FRAS1: variants seen among roughly 807,000 people sequenced by gnomAD.
The protein encoded by FRAS1 is Fraser extracellular matrix complex subunit 1.
A neutral mutation model predicts 435.2 loss-of-function variants in FRAS1; 290 were observed. The ratio of observed to expected loss-of-function variants is 0.67; its 90% CI spans 0.61 to 0.73. The LOEUF is 0.73. FRAS1 is among the 30% of genes least tolerant of loss of function. FRAS1 has a pLI of 0.00. For missense variants in FRAS1, 4,860 were observed against 5,001.5 expected (o/e 0.97, Z 0.85); for synonymous variants, 1,800 against 1,851.0 (o/e 0.97, Z 0.71).
intron 2 of FRAS1, among the ~76,000 whole-genome samples, chr4:78,103,580 T>C (rs1260233355): frequency 6.6e-6 from 1 of 152,132 alleles, no homozygotes; most frequent in African/African-American, 2.4e-5. Flanking sequence ...AAATCCTAAC[T>C]CCTAAGGTAA....
At chr4:78,086,331 C>T (rs1243643888) in intron 2 of FRAS1, among the ~76,000 whole-genome samples, 1 of 152,054 alleles carries the variant, frequency 6.6e-6, no homozygotes, top group African/African-American at 2.4e-5. Flanking sequence ...CAGGAAAGAT[C>T]CAAAATTGAC....
At chr4:78,457,738 G>C (rs1407842229) in intron 47 of FRAS1, among the ~76,000 whole-genome samples, 1 of 152,178 alleles carries the variant, frequency 6.6e-6, no homozygotes, top group Non-Finnish European at 1.5e-5. Context: ...TTCTTGCTAA[G>C]AGTTAACTTA....
chr4:78,359,006 G>A (rs538988454), intron 20 of FRAS1, among the ~76,000 whole-genome samples: 2 of 152,144 alleles, frequency 1.3e-5, no homozygotes, highest in African/African-American at 2.4e-5. Flanking sequence ...AAATGTCATC[G>A]TTAGTAGTTA....
chr4:78,392,043 A>G (rs1340359064), intron 29 of FRAS1, among the ~76,000 whole-genome samples: 4 of 152,178 alleles, frequency 2.6e-5, no homozygotes, highest in African/African-American at 9.7e-5. Flanking sequence ...GCATAATCAG[A>G]AAATGTTTCC....
chr4:78,299,802 C>T (rs1728305311), intron 14 of FRAS1, among the ~76,000 whole-genome samples: 3 of 152,220 alleles, frequency 2.0e-5, no homozygotes, highest in Admixed American at 2.0e-4. Context: ...CCTCACTTTC[C>T]ATTCATCATT....
chr4:78,456,091 C>T (rs1198122026), intron 47 of FRAS1, among the ~76,000 whole-genome samples: 1 of 151,584 alleles, frequency 6.6e-6, no homozygotes, highest in Non-Finnish European at 1.5e-5. Flanking sequence ...CAGGGAAGCC[C>T]CACATCCATT....
At chr4:78,422,087 C>T in intron 34 of FRAS1, 87 bp downstream of exon 34, 4 of 1,355,006 alleles carry the variant, frequency 3.0e-6, no homozygotes, top group Non-Finnish European at 3.9e-6. Flanking sequence ...CTGCAGTCCT[C>T]TGGACCATTT....
At position 78,282,823 on chromosome 4, in the gene FRAS1, G is replaced by A; in HGVS notation, c.1111G>A (p.Gly371Arg). The part of the protein sequence containing the change: ...NASEVKRIPE[G>R]EKWEDGPCKV... ...TGTTCTTCACTTTTTTGCGTAGGAG[G>A]GAGAGAAGTGGGAAGATGGCCCTTG... Residue 371 changes from glycine (G) to arginine (R), a missense_variant, in exon 12 of 74, where the codon GGA becomes AGA. Physicochemically the swap from Gly to Arg is moderately radical, Grantham distance 125 (BLOSUM62 -2). Coordinates refer to ENST00000512123, the MANE Select transcript of FRAS1 (RefSeq NM_025074.7). 1 of 1,613,070 alleles carries A rather than the reference G, an allele frequency of 6.2e-7. No individual in the cohort carries two copies. Among genetic ancestry groups the A allele is most frequent in the Non-Finnish European group, 8.5e-7 (1 of 1,179,652 alleles).
chr4:78,464,310 A>G, intron 48 of FRAS1, 133 bp from the exon 49 acceptor site: 1 of 1,381,590 alleles, frequency 7.2e-7, no homozygotes, highest in Non-Finnish European at 9.9e-7. Flanking sequence ...GCCCAAGAGG[A>G]CTCACTCTGG....
intron 61 of FRAS1, among the ~76,000 whole-genome samples, chr4:78,506,399 G>A (rs1348037209): frequency 6.6e-6 from 1 of 152,232 alleles, no homozygotes; most frequent in Admixed American, 6.5e-5. Context: ...GCTGTGGTGG[G>A]CTCCCCCCAG....
chr4:78,189,751 T>C (rs751959183), intron 2 of FRAS1, among the ~76,000 whole-genome samples: 1 of 152,250 alleles, frequency 6.6e-6, no homozygotes, highest in African/African-American at 2.4e-5. Flanking sequence ...TCTATTTGCA[T>C]ATATAATAAT....
rs767510316 is a variant in FRAS1, at chr4:78,416,067, T to TA, written c.4426-2881dup. Among the ~76,000 whole-genome samples, 10 of 152,320 alleles carry TA rather than the reference T, an allele frequency of 6.6e-5. 1 individual carries two copies. Among genetic ancestry groups the TA allele is most frequent in the Non-Finnish European group, 1.3e-4 (9 of 68,028 alleles). ...AGAGAAATGGATAAAGAAAATGTGA[T>TA]ACAGACGTACACACACAGAGAGAGA... is the stretch of plus-strand genomic sequence containing the variant. On this transcript the variant is annotated intron_variant, in intron 32 of 73. Coordinates refer to ENST00000512123, the MANE Select transcript of FRAS1 (RefSeq NM_025074.7).
chr4:78,090,300 G>A (rs1741448357), intron 2 of FRAS1, among the ~76,000 whole-genome samples: 1 of 152,172 alleles, frequency 6.6e-6, no homozygotes, highest in Non-Finnish European at 1.5e-5. Context: ...AATTTTAAAT[G>A]TTTTGAACAG....
chr4:78,251,035 T>C (rs915303108), intron 4 of FRAS1, among the ~76,000 whole-genome samples: 3 of 152,216 alleles, frequency 2.0e-5, no homozygotes, highest in African/African-American at 7.2e-5. Context: ...TTATTTTATA[T>C]ATTTTATGAT....
chr4:78,439,284 A>T (rs12643573), intron 40 of FRAS1, among the ~76,000 whole-genome samples: 18,692 of 152,248 alleles, frequency 0.12, 1,338 homozygotes, highest in East Asian at 0.22. Flanking sequence ...TTATTTAGTC[A>T]ACAAATATTT....
chr4:78,234,438 G>T (rs961192670), intron 2 of FRAS1, among the ~76,000 whole-genome samples: 2 of 152,028 alleles, frequency 1.3e-5, no homozygotes, highest in African/African-American at 4.8e-5. Flanking sequence ...TGTTAGCCAG[G>T]ATGATCTCGA....
intron 59 of FRAS1, among the ~76,000 whole-genome samples, chr4:78,490,485 C>A (rs996931123): frequency 6.6e-6 from 1 of 152,120 alleles, no homozygotes; most frequent in Non-Finnish European, 1.5e-5. Context: ...CAAATTAGAG[C>A]TCAGGATTAA....
intron 72 of FRAS1, 137 bp from the exon 73 acceptor site, chr4:78,539,157 G>A (rs982873664): frequency 4.1e-6 from 3 of 724,262 alleles, no homozygotes; most frequent in African/African-American, 3.6e-5. Context: ...TTATGGAGAG[G>A]GCTTCACAGC....
At chr4:78,104,502 C>G (rs1398518530) in intron 2 of FRAS1, among the ~76,000 whole-genome samples, 3 of 152,166 alleles carry the variant, frequency 2.0e-5, no homozygotes, top group Non-Finnish European at 2.9e-5. Context: ...TTGTCTTATT[C>G]ATTTGAATAA....
Sources: gnomAD v4.1 joint callset for allele counts (sites outside exome capture counted in the v4.1 genomes callset) on GRCh38, gnomAD v4.1.1 for gene constraint, MANE v1.5 for transcripts, NCBI Gene and HGNC (gene_info 2026-07-23, HGNC 2026-07-21) for gene names.